ATP2B1: variants seen among roughly 807,000 people sequenced by gnomAD.
ATP2B1 encodes the protein plasma membrane calcium-transporting ATPase 1.
A neutral mutation model predicts 124.2 loss-of-function variants in ATP2B1; 14 were observed. That is an observed-to-expected ratio of 0.11 (90% CI 0.07 to 0.18). The LOEUF is 0.18. Among genes scored for constraint, ATP2B1 ranks in the 10% least tolerant of loss-of-function variants. ATP2B1 has a pLI of 1.00. For missense variants in ATP2B1, 763 were observed against 1,466.1 expected, an observed-to-expected ratio of 0.52 and a Z score of 7.83; for synonymous variants, 449 against 492.4, an observed-to-expected ratio of 0.91 and a Z score of 1.17.
At position 89,603,022 on chromosome 12, in the gene ATP2B1, CTA is replaced by C. The variant is rs768276947; in HGVS notation, c.3060+19_3060+20del. The C allele has an allele frequency of 2.1e-5, 33 of 1,604,786 alleles. No individual in the cohort carries two copies. The Admixed American group carries it at 4.2e-4, about 20-fold the overall frequency. ...TCCCATTTAACAGGCAAATTTGAAACTATCTTTTCCAATTACCCACCTGTACC... is the reference window on the plus strand; with the variant it reads ...TCCCATTTAACAGGCAAATTTGAAACTCTTTTCCAATTACCCACCTGTACC... On this transcript the variant is annotated intron_variant, in intron 18 of 20. Transcript: ENST00000428670. The surrounding 1 kb of genome is among the most constrained non-coding windows in gnomAD (Gnocchi z 4.3).
rs745605495 is a variant in ATP2B1 at position 89,651,746 on chromosome 12, G to A, written c.208+3933C>T. 1.8e-4 allele frequency among the ~76,000 whole-genome samples: 28 copies of A among 152,182 alleles called. No homozygotes were observed. In the Middle Eastern group the frequency reaches 0.014, roughly 74 times the overall value. ...TACAAGCTATGTGAACTGAACTTTTGTAACAGGTAACATACAATGCAGTGG... is the reference window on the plus strand; with the variant it reads ...TACAAGCTATGTGAACTGAACTTTTATAACAGGTAACATACAATGCAGTGG... On this transcript the variant is annotated intron_variant, in intron 2 of 20. Coordinates refer to ENST00000428670, the MANE Select transcript of ATP2B1 (RefSeq NM_001366521.1).
At chr12:89,643,901 C>T (rs1456393917) in intron 2 of ATP2B1, among the ~76,000 whole-genome samples, 1 of 152,218 alleles carries the variant, frequency 6.6e-6, no homozygotes, top group Non-Finnish European at 1.5e-5. Flanking sequence ...GCAGGCAGAT[C>T]ACCTGAGGTC....
intron 20 of ATP2B1, chr12:89,598,470 G>A (rs959345689): frequency 2.2e-5 from 27 of 1,232,262 alleles, no homozygotes; most frequent in Admixed American, 5.1e-5. Context: ...TCCACTTTAC[G>A]AAAAGAAAGC....
chr12:89,602,419 A>C (rs907897622), intron 18 of ATP2B1, among the ~76,000 whole-genome samples: 4 of 152,208 alleles, frequency 2.6e-5, no homozygotes, highest in African/African-American at 9.6e-5. Flanking sequence ...AAAACCTTAA[A>C]GTTACAATTC....
Position 89,589,778 on chromosome 12 carries a change from G to A in ATP2B1, c.*1206C>T, listed in dbSNP as rs953909098. ...CAGAACTGAGTAAAGAAGCTGAAAT[G>A]TCTTTTAAAAAAACATTGCCATGAA... On this transcript the variant is annotated 3_prime_UTR_variant, in exon 21 of 21. Coordinates refer to ENST00000428670, the MANE Select transcript of ATP2B1 (RefSeq NM_001366521.1). The A allele has an allele frequency of 2.0e-5, 3 of 151,994 alleles. No homozygotes were observed. Among genetic ancestry groups the A allele is most frequent in the Non-Finnish European group, 4.4e-5 (3 of 67,948 alleles). The allele number at this position is 151,994 out of a possible 1,614,324, so 9.4% of individuals were successfully genotyped here.
At chr12:89,636,853 T>C (rs774753641) in intron 3 of ATP2B1, among the ~76,000 whole-genome samples, 1 of 152,230 alleles carries the variant, frequency 6.6e-6, no homozygotes, top group Non-Finnish European at 1.5e-5. Flanking sequence ...TTTAATTATT[T>C]TCAAGCTCAA....
intron 1 of ATP2B1, among the ~76,000 whole-genome samples, chr12:89,689,435 C>G (rs1890309366): frequency 3.3e-5 from 5 of 152,172 alleles, no homozygotes; most frequent in Admixed American, 3.3e-4. Context: ...GGTCTTCCAG[C>G]AGCTGAGTAT....
At chr12:89,699,825 T>C (rs1891613160) in intron 1 of ATP2B1, among the ~76,000 whole-genome samples, 1 of 152,008 alleles carries the variant, frequency 6.6e-6, no homozygotes, top group African/African-American at 2.4e-5. Flanking sequence ...AAAACAGTAG[T>C]GCTTAAGCTC....
At chr12:89,660,958 G>A (rs1024499214) in intron 1 of ATP2B1, among the ~76,000 whole-genome samples, 4 of 152,004 alleles carry the variant, frequency 2.6e-5, no homozygotes, top group African/African-American at 4.8e-5. Context: ...ACATGTCTCA[G>A]AAAATTTTTA....
intron 2 of ATP2B1, among the ~76,000 whole-genome samples, chr12:89,644,951 T>A (rs1034208327): frequency 3.3e-5 from 5 of 152,216 alleles, no homozygotes; most frequent in African/African-American, 1.2e-4. Flanking sequence ...AGTAAAGGTC[T>A]TAAATGCTAT....
At chr12:89,642,448 G>T in intron 2 of ATP2B1, 93 bp from the exon 3 acceptor site, 1 of 1,178,238 alleles carries the variant, frequency 8.5e-7, no homozygotes, top group Non-Finnish European at 1.2e-6. Flanking sequence ...CATCACTCTA[G>T]ACCCTACCAA....
intron 1 of ATP2B1, among the ~76,000 whole-genome samples, chr12:89,680,342 C>A (rs1157220467): frequency 6.6e-6 from 1 of 151,844 alleles, no homozygotes. Context: ...CACCTGGAAC[C>A]AAAAATTCAA....
intron 1 of ATP2B1, among the ~76,000 whole-genome samples, chr12:89,681,318 TACCAA>T (rs1889322887): frequency 6.6e-6 from 1 of 151,596 alleles, no homozygotes; most frequent in South Asian, 2.1e-4. Flanking sequence ...AAATACAGCT[TACCAA>T]AACTGACCAT....
At chr12:89,615,323 T>A (rs752119810) in intron 12 of ATP2B1, among the ~76,000 whole-genome samples, 3 of 152,156 alleles carry the variant, frequency 2.0e-5, no homozygotes, top group Non-Finnish European at 4.4e-5. Flanking sequence ...CTTGTAATTG[T>A]CTTATTTAAT....
intron 1 of ATP2B1, among the ~76,000 whole-genome samples, chr12:89,670,448 ATT>A (rs1887819094): frequency 7.6e-6 from 1 of 131,288 alleles, no homozygotes; most frequent in Admixed American, 7.6e-5. Flanking sequence ...TTCAACTTTT[ATT>A]TTAGATTCAG....
At chr12:89,601,250 T>C in intron 19 of ATP2B1, 76 bp downstream of exon 19, 14 of 1,024,060 alleles carry the variant, frequency 1.4e-5, no homozygotes, top group Non-Finnish European at 1.7e-5. Flanking sequence ...GTAATGAAAC[T>C]GTTAAAGAAA....
At chr12:89,610,112 C>T in intron 14 of ATP2B1, 69 bp from the exon 15 acceptor site, 2 of 1,388,486 alleles carry the variant, frequency 1.4e-6, no homozygotes, top group Admixed American at 1.9e-5. Context: ...GAAGAATATC[C>T]TGACGTCGGT....
At chr12:89,619,618 TAA>T (rs367554417) in intron 11 of ATP2B1, among the ~76,000 whole-genome samples, 10 of 123,102 alleles carry the variant, frequency 8.1e-5, no homozygotes, top group African/African-American at 3.3e-4. Context: ...CTTAAACAAA[TAA>T]AAAAAAAAAA....
intron 1 of ATP2B1, among the ~76,000 whole-genome samples, chr12:89,658,647 G>GAGAT (rs1491206152): frequency 8.1e-6 from 1 of 124,028 alleles, no homozygotes; most frequent in Non-Finnish European, 1.8e-5. Flanking sequence ...GAGAGAGAGA[G>GAGAT]ATAGAGATAG....
Sources: gnomAD v4.1 joint callset for allele counts (sites outside exome capture counted in the v4.1 genomes callset) on GRCh38, gnomAD v4.1.1 for gene constraint, Gnocchi (gnomAD v3.1) non-coding constraint, MANE v1.5 for transcripts, NCBI Gene and HGNC (gene_info 2026-07-23, HGNC 2026-07-21) for gene names.